Variants in MAGI1 observed in about 807,000 individuals in gnomAD.
The protein encoded by MAGI1 is membrane associated guanylate kinase, WW and PDZ domain containing 1.
MAGI1 carries 58 observed loss-of-function variants against 139.9 expected under a neutral mutation model. The observed-to-expected ratio is 0.41, with a 90% CI of 0.34 to 0.52. The LOEUF (loss-of-function observed/expected upper bound fraction) is 0.52, where lower values mean the gene tolerates loss of function less well. MAGI1 is among the 20% of genes least tolerant of loss of function. The pLI, the probability that MAGI1 is intolerant of heterozygous loss-of-function variation, is 0.12. For missense variants in MAGI1, 1,874 were observed against 1,901.6 expected, an observed-to-expected ratio of 0.99 and a Z score of 0.27; for synonymous variants, 812 against 737.9, an observed-to-expected ratio of 1.10 and a Z score of -1.63.
chr3:65,720,062 G>A (rs1207963818), intron 1 of MAGI1: 1 of 152,196 alleles, frequency 6.6e-6, no homozygotes, highest in Non-Finnish European at 1.5e-5. Flanking sequence ...TTTGGGTGAA[G>A]TCACTGGAAT....
At chr3:65,502,136 C>A (rs141875912) in intron 2 of MAGI1, among the ~76,000 whole-genome samples, 1 of 152,098 alleles carries the variant, frequency 6.6e-6, no homozygotes, top group South Asian at 2.1e-4. Context: ...GCGCACACCA[C>A]GAATGGTGAT....
chr3:65,980,080 G>A (rs945786532), intron 1 of MAGI1, among the ~76,000 whole-genome samples: 1 of 152,144 alleles, frequency 6.6e-6, no homozygotes, highest in Non-Finnish European at 1.5e-5. Flanking sequence ...ACAGTGGTGG[G>A]ATTAATTATA....
At chr3:65,876,500 T>A (rs566647768) in intron 1 of MAGI1, among the ~76,000 whole-genome samples, 1 of 152,178 alleles carries the variant, frequency 6.6e-6, no homozygotes, top group South Asian at 2.1e-4. Flanking sequence ...CTCAACTTCT[T>A]TACCAGGGAT....
At position 65,578,921 on chromosome 3, in the gene MAGI1, CAAAGAGAGAGAG is replaced by C. The variant is rs1389661305; in HGVS notation, c.430+43039_430+43050del. 1.1e-4 allele frequency among the ~76,000 whole-genome samples: 13 copies of C among 113,432 alleles called. No individual in the cohort carries two copies. In the East Asian group the frequency reaches 1.2e-3, roughly 11 times the overall value. 74.4% of individuals were successfully genotyped at this position (113,432 alleles called of 152,430 possible). A position where few individuals can be genotyped will look rare whatever the true frequency, so the allele number is the denominator to read the frequency against. ...GGGTGACAGAGTAACACTCTGTCTC[CAAAGAGAGAGAG>C]AGAGAGAGAGAGACAGAGAGAGAGA... On this transcript the variant is annotated intron_variant, in intron 2 of 22. Coordinates refer to ENST00000402939, the MANE Select transcript of MAGI1 (RefSeq NM_001033057.2).
chr3:65,851,625 T>A (rs1410319916), intron 1 of MAGI1, among the ~76,000 whole-genome samples: 1 of 152,110 alleles, frequency 6.6e-6, no homozygotes, highest in Non-Finnish European at 1.5e-5. Flanking sequence ...GGCATACACC[T>A]GTCATCCCAG....
At chr3:65,595,793 C>T (rs796284394) in intron 2 of MAGI1, among the ~76,000 whole-genome samples, 5 of 89,630 alleles carry the variant, frequency 5.6e-5, no homozygotes, top group African/African-American at 2.3e-4. Context: ...GGTAAGCTTC[C>T]GTTTTTAACT....
chr3:65,502,806 G>GA (rs879632359), intron 2 of MAGI1, among the ~76,000 whole-genome samples: 2 of 152,304 alleles, frequency 1.3e-5, no homozygotes, highest in South Asian at 2.1e-4. Flanking sequence ...AGGGTGCGTT[G>GA]AAGCAGAAAC....
At chr3:65,950,902 T>A (rs931309485) in intron 1 of MAGI1, among the ~76,000 whole-genome samples, 6 of 150,832 alleles carry the variant, frequency 4.0e-5, no homozygotes, top group African/African-American at 1.5e-4. Context: ...ATTAAAAGAA[T>A]TGTCTTGGAC....
chr3:65,950,067 C>CAAAAAAAAAAAAAA (rs61696952), intron 1 of MAGI1, among the ~76,000 whole-genome samples: 31 of 76,704 alleles, frequency 4.0e-4, no homozygotes, highest in South Asian at 5.6e-4. Context: ...AACAAAAAAA[C>CAAAAAAAAAAAAAA]AAAAAAAAAA....
intron 1 of MAGI1, among the ~76,000 whole-genome samples, chr3:65,767,188 C>T (rs1280323660): frequency 6.6e-6 from 1 of 152,176 alleles, no homozygotes; most frequent in Non-Finnish European, 1.5e-5. Flanking sequence ...CCTATTCACA[C>T]ATTTAACTTA....
chr3:65,687,601 G>C (rs570031670), intron 1 of MAGI1: 1 of 395,432 alleles, frequency 2.5e-6, no homozygotes, highest in Admixed American at 3.4e-5. Context: ...AATTGAAGAA[G>C]TTGGATAGGT....
Position 65,356,800 on chromosome 3 carries a change from G to A in MAGI1, c.3967C>T (p.Pro1323Ser), listed in dbSNP as rs757523874. Residue 1323 changes from proline to serine, a missense_variant, in exon 23 of 23, where the codon CCA becomes TCA. This residue lies in a region of MAGI1 where 653 missense variants were observed against 644.5 expected (regional missense o/e 1.01). Coordinates refer to ENST00000402939, the MANE Select transcript of MAGI1 (RefSeq NM_001033057.2). Reference protein sequence around the residue: ...AAANGPKRRSPEKRREGTRSA... With the variant: ...AAANGPKRRSSEKRREGTRSA... ...CGGGTGCCCTCCCTCCGCTTCTCTGGGGACCGCCTCTTGGGGCCGTTGGCG... is the reference window on the plus strand; with the variant it reads ...CGGGTGCCCTCCCTCCGCTTCTCTGAGGACCGCCTCTTGGGGCCGTTGGCG... 1 of 1,611,072 alleles carries A rather than the reference G, an allele frequency of 6.2e-7. No individual in the cohort carries two copies. Among genetic ancestry groups the A allele is most frequent in the South Asian group, 1.1e-5 (1 of 90,738 alleles).
intron 1 of MAGI1, among the ~76,000 whole-genome samples, chr3:65,955,171 GAAGAA>G (rs2064059880): frequency 6.6e-6 from 1 of 152,090 alleles, no homozygotes; most frequent in Non-Finnish European, 1.5e-5. Flanking sequence ...GGGGGGAAGC[GAAGAA>G]AACACGTTAG....
chr3:65,789,695 C>A (rs1029716065), intron 1 of MAGI1, among the ~76,000 whole-genome samples: 1 of 152,136 alleles, frequency 6.6e-6, no homozygotes, highest in East Asian at 1.9e-4. Context: ...CTGATTTAGC[C>A]GGGATCTCCC....
At chr3:65,611,611 T>C (rs897918996) in intron 2 of MAGI1, among the ~76,000 whole-genome samples, 1 of 126,330 alleles carries the variant, frequency 7.9e-6, no homozygotes, top group Non-Finnish European at 1.7e-5. Context: ...ATATATATAC[T>C]ATACTAGTAT....
intron 1 of MAGI1, among the ~76,000 whole-genome samples, chr3:65,695,182 G>A (rs2089042859): frequency 6.6e-6 from 1 of 152,058 alleles, no homozygotes; most frequent in Admixed American, 6.5e-5. Flanking sequence ...GAAAAAAGAG[G>A]GTCAGAGAGA....
chr3:65,496,816 T>C (rs1307295350), intron 2 of MAGI1, among the ~76,000 whole-genome samples: 1 of 152,184 alleles, frequency 6.6e-6, no homozygotes, highest in Non-Finnish European at 1.5e-5. Context: ...GCACTTAAAA[T>C]AAAAATAAAT....
chr3:65,885,290 G>C (rs1363860316), intron 1 of MAGI1, among the ~76,000 whole-genome samples: 1 of 151,936 alleles, frequency 6.6e-6, no homozygotes, highest in Non-Finnish European at 1.5e-5. Flanking sequence ...CCAGCTACTT[G>C]GGAGGCTAAG....
At chr3:65,672,419 T>C (rs188777307) in intron 1 of MAGI1, among the ~76,000 whole-genome samples, 1 of 152,320 alleles carries the variant, frequency 6.6e-6, no homozygotes, top group East Asian at 1.9e-4. Context: ...AAGAAGCCAT[T>C]TTTAAAAAAT....
Sources: allele counts gnomAD v4.1 joint callset (sites outside exome capture counted in the v4.1 genomes callset), GRCh38; gene constraint gnomAD v4.1.1; regional missense constraint gnomAD v4.1.1; transcripts MANE v1.5; gene names NCBI Gene and HGNC (gene_info 2026-07-23, HGNC 2026-07-21).